CNIH3: variants seen among roughly 807,000 people sequenced by gnomAD.
The protein encoded by CNIH3 is protein cornichon homolog 3.
A neutral mutation model predicts 24.1 loss-of-function variants in CNIH3; 14 were observed. That is an observed-to-expected ratio of 0.58 (90% CI 0.38 to 0.91). The LOEUF (loss-of-function observed/expected upper bound fraction) is 0.91. Ranked by LOEUF, CNIH3 falls within the 40% of genes least tolerant of loss-of-function variation. The pLI is 0.00. For missense variants in CNIH3, 178 were observed against 196.8 expected, an observed-to-expected ratio of 0.90 and a Z score of 0.57; for synonymous variants, 68 against 73.8, an observed-to-expected ratio of 0.92 and a Z score of 0.40.
intron 3 of CNIH3, among the ~76,000 whole-genome samples, chr1:224,699,183 T>G (rs945163692): frequency 3.9e-5 from 6 of 152,196 alleles, no homozygotes; most frequent in Admixed American, 2.0e-4. Flanking sequence ...GATCCACCAT[T>G]AGCCTCATGC....
downstream of CNIH3, among the ~76,000 whole-genome samples, chr1:224,591,168 G>C (rs1681739476): frequency 6.6e-6 from 1 of 152,072 alleles, no homozygotes; most frequent in Non-Finnish European, 1.5e-5. Flanking sequence ...TTGACACCCT[G>C]CACTGCTTCA....
chr1:224,690,443 C>T (rs12122421), intron 3 of CNIH3, among the ~76,000 whole-genome samples: 6 of 152,164 alleles, frequency 3.9e-5, no homozygotes, highest in African/African-American at 1.4e-4. Flanking sequence ...TCAGGTGATC[C>T]AGTCTCCTCA....
chr1:224,435,006 C>T (rs993338813), intron 1 of CNIH3: 2 of 985,548 alleles, frequency 2.0e-6, no homozygotes, highest in Non-Finnish European at 1.2e-6. Context: ...TCCCCGGCCC[C>T]GCTCGGGCCT....
chr1:224,527,219 G>A (rs923308137), intron 2 of CNIH3, among the ~76,000 whole-genome samples: 3 of 152,174 alleles, frequency 2.0e-5, no homozygotes, highest in Non-Finnish European at 2.9e-5. Context: ...TTGCATACCA[G>A]GGGCTTGTAC....
rs577919590 is a variant in CNIH3 at position 224,724,050 on chromosome 1, CAAAAAATTTT to C, written c.199-6398_199-6389del. On this transcript the variant is annotated intron_variant, in intron 3 of 5. Transcript: ENST00000272133. ...GGGAAACATAGACCCCATCTCTTAA[CAAAAAATTTT>C]AAAAAATTTTAAATAAGATTATAAT... Among the ~76,000 whole-genome samples the C allele has an allele frequency of 1.8e-4, 27 of 152,230 alleles. No individual in the cohort carries two copies. In the East Asian group the frequency reaches 4.8e-3, roughly 27 times the overall value.
chr1:224,730,064 G>T (rs906539947), intron 3 of CNIH3, among the ~76,000 whole-genome samples: 2 of 152,318 alleles, frequency 1.3e-5, no homozygotes, highest in East Asian at 3.9e-4. Context: ...AAAAACAAGA[G>T]CAGGGCAGTT....
At chr1:224,581,967 C>T (rs1303465929) in intron 4 of CNIH3, among the ~76,000 whole-genome samples, 3 of 152,002 alleles carry the variant, frequency 2.0e-5, no homozygotes, top group East Asian at 1.9e-4. Flanking sequence ...ACTGAGTGTG[C>T]GTGAGGTTGT....
intron 1 of CNIH3, among the ~76,000 whole-genome samples, chr1:224,654,438 C>T (rs298732): frequency 0.57 from 87,392 of 152,042 alleles, 27,092 homozygotes; most frequent in African/African-American, 0.81. Context: ...TGCATGCCTC[C>T]TTGCTGTAGA....
intron 3 of CNIH3, among the ~76,000 whole-genome samples, chr1:224,729,273 G>A (rs1359652914): frequency 5.9e-5 from 9 of 151,854 alleles, no homozygotes; most frequent in Admixed American, 2.6e-4. Flanking sequence ...TTAGCTGGGC[G>A]TGGTAGCAGG....
upstream of CNIH3, among the ~76,000 whole-genome samples, chr1:224,514,829 CA>C (rs1029529110): frequency 2.0e-5 from 3 of 152,126 alleles, no homozygotes; most frequent in Admixed American, 6.5e-5. Context: ...GACCCTGTCT[CA>C]AAAAACAAAC....
At chr1:224,530,172 G>A (rs530197230) in intron 2 of CNIH3, among the ~76,000 whole-genome samples, 5 of 152,196 alleles carry the variant, frequency 3.3e-5, no homozygotes, top group Non-Finnish European at 2.9e-5. Context: ...AGGTAAGGTC[G>A]TTTCCAGGAG....
At chr1:224,727,327 A>C (rs965954525) in intron 3 of CNIH3, among the ~76,000 whole-genome samples, 1 of 152,216 alleles carries the variant, frequency 6.6e-6, no homozygotes, top group East Asian at 1.9e-4. Context: ...TTAAAACAAC[A>C]CAAGTTTCTT....
At chr1:224,508,969 T>C (rs1356174897) in intron 1 of CNIH3, among the ~76,000 whole-genome samples, 1 of 152,150 alleles carries the variant, frequency 6.6e-6, no homozygotes, top group Non-Finnish European at 1.5e-5. Context: ...AAATGTGTTA[T>C]TAGATACTAA....
chr1:224,588,532 C>G (rs962956490), exon 6 of CNIH3: 1 of 151,712 alleles, frequency 6.6e-6, no homozygotes, highest in Non-Finnish European at 1.5e-5. Context: ...GTCCTATGCC[C>G]ACGAATAAAT....
intron 4 of CNIH3, chr1:224,574,406 G>T: frequency 1.9e-6 from 1 of 529,014 alleles, no homozygotes; most frequent in South Asian, 3.0e-5. Flanking sequence ...ACATGGTTCT[G>T]GGTGGGGGTC....
downstream of CNIH3, among the ~76,000 whole-genome samples, chr1:224,539,489 C>G (rs111997153): frequency 6.6e-6 from 1 of 152,206 alleles, no homozygotes; most frequent in Non-Finnish European, 1.5e-5. Flanking sequence ...ATCTTTCTCT[C>G]TGATCCAGTT....
At chr1:224,480,840 C>T (rs1184714493) in intron 1 of CNIH3, among the ~76,000 whole-genome samples, 1 of 152,224 alleles carries the variant, frequency 6.6e-6, no homozygotes, top group Non-Finnish European at 1.5e-5. Context: ...CCCACATTTT[C>T]CTGTCTTCTG....
chr1:224,473,882 G>T (rs1382363294), intron 1 of CNIH3, among the ~76,000 whole-genome samples: 2 of 152,164 alleles, frequency 1.3e-5, no homozygotes, highest in African/African-American at 4.8e-5. Flanking sequence ...CACAAGGAAA[G>T]ACCCTATGTT....
chr1:224,496,016 A>T (rs1164631961), intron 1 of CNIH3, among the ~76,000 whole-genome samples: 1 of 152,196 alleles, frequency 6.6e-6, no homozygotes, highest in Non-Finnish European at 1.5e-5. Context: ...ATGTGGAGTG[A>T]AACATAATCT....
Sources: gnomAD v4.1 joint callset for allele counts (sites outside exome capture counted in the v4.1 genomes callset) on GRCh38, gnomAD v4.1.1 for gene constraint, MANE v1.5 for transcripts, NCBI Gene and HGNC (gene_info 2026-07-23, HGNC 2026-07-21) for gene names.